The following DENND1A variants were observed in gnomAD, a reference collection of about 807,000 sequenced individuals.
The protein encoded by DENND1A is DENN domain containing 1A.
A neutral mutation model predicts 113.7 loss-of-function variants in DENND1A; 51 were observed. The observed-to-expected ratio is 0.45, with a 90% CI of 0.36 to 0.57. The LOEUF is 0.57. Among genes scored for constraint, DENND1A ranks in the 20% least tolerant of loss-of-function variants. The pLI is 0.00. For synonymous variants in DENND1A, 565 were observed against 570.8 expected (o/e 0.99, Z 0.14); for missense variants, 1,258 against 1,395.9 (o/e 0.90, Z 1.57).
At chr9:123,696,209 C>A (rs2065510248) in intron 5 of DENND1A, among the ~76,000 whole-genome samples, 1 of 152,146 alleles carries the variant, frequency 6.6e-6, no homozygotes, top group Admixed American at 6.5e-5. Context: ...AGCCATGTTT[C>A]TTTCAAAAGC....
rs1362092744 is a variant in DENND1A at position 123,382,009 on chromosome 9, G to T, written c.2636C>A (p.Pro879His). 9 of 1,486,292 alleles carry T rather than the reference G, an allele frequency of 6.1e-6. No individual in the cohort carries two copies. The East Asian group carries it at 1.9e-4, about 31-fold the overall frequency. The allele number at this position is 1,486,292 out of a possible 1,614,324, so 92.1% of individuals were successfully genotyped here. A position where few individuals can be genotyped will look rare whatever the true frequency, so the allele number is the denominator to read the frequency against. Reference protein sequence around the residue: ...ATPFTPQFSFPPAGTPTPFPQ... With the variant: ...ATPFTPQFSFHPAGTPTPFPQ... ...GAATGGGGTGGGTGTCCCTGCAGGG[G>T]GGAAGCTGAATTGGGGGGTGAATGG... Residue 879 changes from proline to histidine, a missense_variant, in exon 24 of 24, where the codon CCC becomes CAC. Pro to His is a moderately conservative substitution (Grantham distance 77, BLOSUM62 -2). Transcript: ENST00000394215.
At chr9:123,610,725 T>C (rs1189922291) in intron 10 of DENND1A, among the ~76,000 whole-genome samples, 1 of 152,146 alleles carries the variant, frequency 6.6e-6, no homozygotes, top group Non-Finnish European at 1.5e-5. Context: ...GGGCAGCTGG[T>C]AGAGTAGAGG....
rs556230351 is a variant in DENND1A, at chr9:123,699,251, T to C, written c.303-22462A>G. 2.0e-5 allele frequency among the ~76,000 whole-genome samples: 3 copies of C among 152,346 alleles called. No homozygotes were observed. In the East Asian group the frequency reaches 5.8e-4, roughly 29 times the overall value. On this transcript the variant is annotated intron_variant, in intron 5 of 23. Coordinates refer to ENST00000394215, the MANE Select transcript of DENND1A (RefSeq NM_001352964.2). ...ATCATTAGGTAAAATATGGAACACC[T>C]TCATGACTTAGTATCATATGGTCAT...
chr9:123,737,146 T>C (rs532339372), intron 5 of DENND1A, among the ~76,000 whole-genome samples: 64 of 152,332 alleles, frequency 4.2e-4, no homozygotes, highest in Non-Finnish European at 7.1e-4. Flanking sequence ...ATATGGAATA[T>C]ATTTAAAATG....
Position 123,598,609 on chromosome 9 carries a change from T to TA in DENND1A, c.765+10826dup, listed in dbSNP as rs539768208. ...GTTTTCAGTTCCATGAAATTTCATT[T>TA]AAAAAACCCCATATGCCAAAATGTC... On this transcript the variant is annotated intron_variant, in intron 11 of 23. Coordinates refer to ENST00000394215, the MANE Select transcript of DENND1A (RefSeq NM_001352964.2). Among the ~76,000 whole-genome samples, 5 of 152,312 alleles carry TA rather than the reference T, an allele frequency of 3.3e-5. No individual in the cohort carries two copies. The South Asian group carries it at 1.0e-3, about 32-fold the overall frequency.
chr9:123,683,389 A>T (rs2064597554), intron 5 of DENND1A, among the ~76,000 whole-genome samples: 1 of 151,916 alleles, frequency 6.6e-6, no homozygotes, highest in African/African-American at 2.4e-5. Context: ...GAAAAAAATG[A>T]CTCCTTTTAT....
chr9:123,552,543 C>G (rs1291681732), intron 13 of DENND1A, among the ~76,000 whole-genome samples: 1 of 152,262 alleles, frequency 6.6e-6, no homozygotes, highest in Non-Finnish European at 1.5e-5. Context: ...CCACCTCCCC[C>G]ACCTGTATGG....
At chr9:123,647,673 C>T (rs2062410034) in intron 9 of DENND1A, among the ~76,000 whole-genome samples, 1 of 152,146 alleles carries the variant, frequency 6.6e-6, no homozygotes, top group Admixed American at 6.5e-5. Context: ...AACAGTATAT[C>T]CTTGTGCAAC....
chr9:123,883,448 T>A (rs970283373), intron 1 of DENND1A, among the ~76,000 whole-genome samples: 1 of 152,202 alleles, frequency 6.6e-6, no homozygotes, highest in Non-Finnish European at 1.5e-5. Context: ...GCAAGTACTA[T>A]AGTCACCTGG....
intron 5 of DENND1A, among the ~76,000 whole-genome samples, chr9:123,743,111 A>G (rs1410993500): frequency 6.6e-6 from 1 of 152,220 alleles, no homozygotes; most frequent in Non-Finnish European, 1.5e-5. Flanking sequence ...CATTAAAAAA[A>G]AATCTCTCCT....
chr9:123,527,570 TA>T lies in DENND1A; in HGVS notation c.993+29999del, dbSNP rs541048311. Among the ~76,000 whole-genome samples, 207 of 152,274 alleles carry T rather than the reference TA, an allele frequency of 1.4e-3. 1 individual carries two copies. Among genetic ancestry groups the T allele is most frequent in the Non-Finnish European group, 2.6e-3 (176 of 68,024 alleles). On this transcript the variant is annotated intron_variant, in intron 13 of 23. Coordinates refer to ENST00000394215, the MANE Select transcript of DENND1A (RefSeq NM_001352964.2). ...TTTATTCTTCATCTCTCAGCTTGGGTATCACTTCCTCCAGGGCACTTTGCTG... is the reference window on the plus strand; with the variant it reads ...TTTATTCTTCATCTCTCAGCTTGGGTTCACTTCCTCCAGGGCACTTTGCTG...
intron 2 of DENND1A, among the ~76,000 whole-genome samples, chr9:123,863,399 T>A (rs1169221399): frequency 6.6e-6 from 1 of 152,252 alleles, no homozygotes; most frequent in Non-Finnish European, 1.5e-5. Flanking sequence ...AAGAGATTCA[T>A]CTCTCTTTTC....
chr9:123,579,234 T>G (rs1331345292), intron 12 of DENND1A, among the ~76,000 whole-genome samples: 3 of 152,206 alleles, frequency 2.0e-5, no homozygotes, highest in Admixed American at 6.5e-5. Context: ...AACAACCTTA[T>G]GTGGAAATTA....
At chr9:123,717,269 G>C (rs1172166129) in intron 5 of DENND1A, among the ~76,000 whole-genome samples, 1 of 152,132 alleles carries the variant, frequency 6.6e-6, no homozygotes, top group Non-Finnish European at 1.5e-5. Flanking sequence ...AGAGGTTCTT[G>C]ATCACCACTG....
chr9:123,399,914 C>T (rs572027885), intron 21 of DENND1A, among the ~76,000 whole-genome samples: 168 of 152,338 alleles, frequency 1.1e-3, no homozygotes, highest in African/African-American at 3.7e-3. Flanking sequence ...AGCTCCCACT[C>T]GGGAAGAAAC....
intron 10 of DENND1A, among the ~76,000 whole-genome samples, chr9:123,629,970 T>C (rs887867857): frequency 9.9e-5 from 15 of 152,140 alleles, no homozygotes; most frequent in Non-Finnish European, 2.1e-4. Flanking sequence ...TCATGACATA[T>C]AAGAAAACTG....
rs965324009 is a variant in DENND1A at position 123,426,471 on chromosome 9, T to C, written c.1488+13889A>G. 4.6e-5 allele frequency among the ~76,000 whole-genome samples: 7 copies of C among 152,202 alleles called. No individual in the cohort carries two copies. The East Asian group carries it at 1.4e-3, about 29-fold the overall frequency. On this transcript the variant is annotated intron_variant, in intron 19 of 23. Coordinates refer to ENST00000394215, the MANE Select transcript of DENND1A (RefSeq NM_001352964.2). Reference sequence around the variant, plus strand: ...TGAGCTAGAAACAGAAACCTGGAGCTCCCAGAACAAAGGTGGTGCTAGAAA... The same window carrying C: ...TGAGCTAGAAACAGAAACCTGGAGCCCCCAGAACAAAGGTGGTGCTAGAAA...
chr9:123,902,466 G>C (rs1851833124), intron 1 of DENND1A, among the ~76,000 whole-genome samples: 1 of 152,130 alleles, frequency 6.6e-6, no homozygotes, highest in Non-Finnish European at 1.5e-5. Context: ...CAGTTCTTCA[G>C]CCACAGATCT....
intron 5 of DENND1A, among the ~76,000 whole-genome samples, chr9:123,750,721 G>C (rs764956376): frequency 6.6e-6 from 1 of 152,180 alleles, no homozygotes; most frequent in Non-Finnish European, 1.5e-5. Context: ...TCTGTTAAAC[G>C]GTATGAAAGA....
Sources: gnomAD v4.1 joint callset for allele counts (sites outside exome capture counted in the v4.1 genomes callset) on GRCh38, gnomAD v4.1.1 for gene constraint, MANE v1.5 for transcripts, NCBI Gene and HGNC (gene_info 2026-07-23, HGNC 2026-07-21) for gene names.